The following PLK4 variants were observed in gnomAD, a reference collection of about 807,000 sequenced individuals.
PLK4 encodes the protein serine/threonine-protein kinase PLK4.
A neutral mutation model predicts 103.0 loss-of-function variants in PLK4; 51 were observed. The ratio of observed to expected loss-of-function variants is 0.50; its 90% CI spans 0.40 to 0.63. The LOEUF (loss-of-function observed/expected upper bound fraction) is 0.63, where lower values mean the gene tolerates loss of function less well. Among genes scored for constraint, PLK4 ranks in the 20% least tolerant of loss-of-function variants. The pLI, the probability that PLK4 is intolerant of heterozygous loss-of-function variation, is 0.00. For missense variants in PLK4, 1,054 were observed against 1,151.0 expected (o/e 0.92, Z 1.22); for synonymous variants, 389 against 376.8 (o/e 1.03, Z -0.38).
At chr4:127,885,147 A>C (rs1735069906) in intron 4 of PLK4, among the ~76,000 whole-genome samples, 1 of 152,148 alleles carries the variant, frequency 6.6e-6, no homozygotes, top group Non-Finnish European at 1.5e-5. Flanking sequence ...ATCAGTTGGA[A>C]ATAACGAAGA....
chr4:127,893,305 G>A lies in PLK4; in HGVS notation c.2209G>A (p.Glu737Lys). Residue 737 changes from glutamate (E) to lysine (K), a missense_variant, in exon 11 of 16, where the codon GAA (glutamate) becomes AAA (lysine). By Grantham distance (56) the Glu-to-Lys change is moderately conservative. This residue lies in a region of PLK4 where 680 missense variants were observed against 660.3 expected (regional missense o/e 1.03). Coordinates refer to ENST00000270861, the MANE Select transcript of PLK4 (RefSeq NM_014264.5). ...TTTAGGGGTAAAAATACACAAAACA[G>A]AAGATTTCATTCAGGTGATTGAAAA... Reference protein sequence around the residue: ...FYDGVKIHKTEDFIQVIEKTG... With the variant: ...FYDGVKIHKTKDFIQVIEKTG... 3 of 1,583,274 alleles carry A rather than the reference G, an allele frequency of 1.9e-6. No homozygotes were observed. Among genetic ancestry groups the A allele is most frequent in the South Asian group, 1.2e-5 (1 of 86,744 alleles).
chr4:127,892,634 C>T, intron 10 of PLK4, 120 bp downstream of exon 10: 9 of 700,570 alleles, frequency 1.3e-5, no homozygotes, highest in Non-Finnish European at 2.1e-5. Context: ...TATAACTATA[C>T]ATATAAATTG....
chr4:127,887,871 CA>C (rs34675793), intron 6 of PLK4, among the ~76,000 whole-genome samples: 2,784 of 40,410 alleles, frequency 0.069, 32 homozygotes, highest in Non-Finnish European at 0.1. Flanking sequence ...GAGACCCTGT[CA>C]AAAAAAAAAA....
rs1735387065 is a variant in PLK4 at position 127,892,223 on chromosome 4, A to G, written c.2039-142A>G. 5.3e-6 allele frequency: 3 copies of G among 561,788 alleles called. No individual in the cohort carries two copies. In the South Asian group the frequency reaches 7.0e-5, roughly 13 times the overall value. 34.8% of individuals were successfully genotyped at this position (561,788 alleles called of 1,614,324 possible). ...TGGACTATGGACATAAGTACTGAAT[A>G]GTAAGCCTTCATTGAGGTAACTCTT... On this transcript the variant is annotated intron_variant, in intron 9 of 15. Coordinates refer to ENST00000270861, the MANE Select transcript of PLK4 (RefSeq NM_014264.5).
At chr4:127,892,240 G>A (rs2148822269) in intron 9 of PLK4, 125 bp from the exon 10 acceptor site, 1 of 604,984 alleles carries the variant, frequency 1.7e-6, no homozygotes, top group Non-Finnish European at 2.8e-6. Context: ...CTTCATTGAG[G>A]TAACTCTTAG....
chr4:127,891,068 AT>A, intron 7 of PLK4, 23 bp from the exon 8 acceptor site: 4 of 1,242,850 alleles, frequency 3.2e-6, no homozygotes, highest in Admixed American at 2.0e-5. Flanking sequence ...ATTATTACTG[AT>A]TTTGGGTTTT....
chr4:127,890,551 C>T (rs1051959998), intron 7 of PLK4, among the ~76,000 whole-genome samples: 1 of 152,098 alleles, frequency 6.6e-6, no homozygotes, highest in Non-Finnish European at 1.5e-5. Flanking sequence ...CAATTCCAAT[C>T]AGTGAGCTAA....
At chr4:127,897,986 A>G (rs953694575) in intron 15 of PLK4, among the ~76,000 whole-genome samples, 23 of 151,288 alleles carry the variant, frequency 1.5e-4, no homozygotes, top group Middle Eastern at 3.4e-3. Context: ...TTACAGGCAT[A>G]CGCCACCACA....
At chr4:127,894,908 A>G in intron 13 of PLK4, 45 bp from the exon 14 acceptor site, 1 of 1,327,408 alleles carries the variant, frequency 7.5e-7, no homozygotes, top group Non-Finnish European at 1.0e-6. Flanking sequence ...TGTGGCTTAT[A>G]AAAATGCTGA....
At chr4:127,896,751 T>A (rs77025881) in intron 14 of PLK4, 50 bp from the exon 15 acceptor site, 11 of 478,872 alleles carry the variant, frequency 2.3e-5, no homozygotes, top group Non-Finnish European at 3.2e-5. Flanking sequence ...ACTACTGCTG[T>A]TTTTTTTTTT....
At chr4:127,896,704 ACCACAAACC>A in intron 14 of PLK4, 88 bp from the exon 15 acceptor site, 1 of 625,716 alleles carries the variant, frequency 1.6e-6, no homozygotes, top group East Asian at 2.8e-5. Context: ...TTAATACAGA[ACCACAAACC>A]CTCTACTGTA....
At chr4:127,896,956 T>C (rs781638003) in intron 15 of PLK4, 49 bp downstream of exon 15, 2 of 927,624 alleles carry the variant, frequency 2.2e-6, no homozygotes, top group Non-Finnish European at 3.5e-6. Context: ...CTATAATTTC[T>C]CTTTCTCTAT....
chr4:127,887,871 C>CAAAA (rs34675793), intron 6 of PLK4, among the ~76,000 whole-genome samples: 1 of 40,376 alleles, frequency 2.5e-5, no homozygotes, highest in Non-Finnish European at 4.8e-5. Context: ...GAGACCCTGT[C>CAAAA]AAAAAAAAAA....
rs1470701729 is a variant in PLK4 at position 127,883,267 on chromosome 4, TAAGA to T, written c.136_139del (p.Lys46ProfsTer15). The stretch of plus-strand genomic sequence containing the variant: ...TTTAAACCTGTTATTTTTAGATAGA[TAAGA>T]AAGCCATGTACAAAGCAGGAATGGT... On this transcript the variant is annotated frameshift_variant, in exon 3 of 16. Transcript: ENST00000270861. LOFTEE classifies it high-confidence loss of function. The T allele has an allele frequency of 1.3e-6, 2 of 1,536,532 alleles. No individual in the cohort carries two copies. The highest frequency in any genetic ancestry group is 1.4e-5 in the African/African-American group (1 of 72,606).
In PLK4 at chr4:127,891,075, G is replaced by GTTT. The variant is rs75010725; in HGVS notation, c.1831-5_1831-3dup. 276 of 1,145,998 alleles carry GTTT rather than the reference G, an allele frequency of 2.4e-4. No individual in the cohort carries two copies. The highest frequency in any genetic ancestry group is 5.6e-4 in the South Asian group (37 of 65,888). 71.0% of individuals were successfully genotyped at this position (1,145,998 alleles called of 1,614,324 possible). A position where few individuals can be genotyped will look rare whatever the true frequency, so the allele number is the denominator to read the frequency against. ...ACAAAAGAATTATTACTGATTTTGG[G>GTTT]TTTTTTTTTTTTTTAGGTGAGCATA... is the stretch of plus-strand genomic sequence containing the variant. On this transcript the variant is annotated splice_polypyrimidine_tract_variant and intron_variant, in intron 7 of 15. Coordinates refer to ENST00000270861, the MANE Select transcript of PLK4 (RefSeq NM_014264.5).
rs1398894359 is a variant in PLK4 at position 127,893,318 on chromosome 4, A to G, written c.2222A>G (p.Gln741Arg). Residue 741 changes from glutamine (Q) to arginine (R), a missense_variant, in exon 11 of 16, where the codon CAG (glutamine) becomes CGG (arginine). Around this residue, in one of 4 missense-constraint regions of PLK4, gnomAD observed 680 missense variants for 660.3 expected, o/e 1.03. Coordinates refer to ENST00000270861, the MANE Select transcript of PLK4 (RefSeq NM_014264.5). Reference sequence around the variant, plus strand: ...ATACACAAAACAGAAGATTTCATTCAGGTGATTGAAAAGACAGGGAAGTCT... The same window carrying G: ...ATACACAAAACAGAAGATTTCATTCGGGTGATTGAAAAGACAGGGAAGTCT... ...VKIHKTEDFI[Q>R]VIEKTGKSYT... The G allele has an allele frequency of 1.3e-6, 2 of 1,594,416 alleles. No individual in the cohort carries two copies. Among genetic ancestry groups the G allele is most frequent in the Non-Finnish European group, 1.7e-6 (2 of 1,166,854 alleles).
chr4:127,897,364 A>G (rs1735609195), intron 15 of PLK4, among the ~76,000 whole-genome samples: 1 of 152,256 alleles, frequency 6.6e-6, no homozygotes, highest in African/African-American at 2.4e-5. Context: ...GTGTATATTC[A>G]TTCTATATGA....
chr4:127,882,353 C>T (rs895011065), intron 2 of PLK4, among the ~76,000 whole-genome samples: 1 of 152,182 alleles, frequency 6.6e-6, no homozygotes, highest in Non-Finnish European at 1.5e-5. Flanking sequence ...GGGTGGGTGG[C>T]TCACACCTGT....
chr4:127,888,032 T>C (rs1000149678), intron 6 of PLK4, among the ~76,000 whole-genome samples: 1 of 150,138 alleles, frequency 6.7e-6, no homozygotes, highest in Admixed American at 6.7e-5. Context: ...ATACAAAAAT[T>C]AGCTGGGTTT....
Sources: allele counts gnomAD v4.1 joint callset (sites outside exome capture counted in the v4.1 genomes callset), GRCh38; gene constraint gnomAD v4.1.1; regional missense constraint gnomAD v4.1.1; transcripts MANE v1.5; gene names NCBI Gene and HGNC (gene_info 2026-07-23, HGNC 2026-07-21).